The following UTRN variants were observed in gnomAD, a reference collection of about 807,000 sequenced individuals.
UTRN encodes the protein utrophin.
Under a neutral mutation model 463.9 loss-of-function variants are expected in UTRN, and 283 were observed. The ratio of observed to expected loss-of-function variants is 0.61; its 90% CI spans 0.55 to 0.67. UTRN has a LOEUF of 0.67. UTRN is among the 30% of genes least tolerant of loss of function. The pLI is 0.00. For missense variants in UTRN, 3,922 were observed against 4,084.3 expected, an observed-to-expected ratio of 0.96 and a Z score of 1.08; for synonymous variants, 1,442 against 1,431.5, an observed-to-expected ratio of 1.01 and a Z score of -0.17.
intron 51 of UTRN, among the ~76,000 whole-genome samples, chr6:144,602,600 G>A (rs1300295944): frequency 2.6e-5 from 4 of 152,208 alleles, no homozygotes; most frequent in African/African-American, 7.2e-5. Flanking sequence ...AATGAGTGAT[G>A]TCTGTCATAG....
At position 144,765,996 on chromosome 6, in the gene UTRN, G is replaced by A. The variant is rs189983400; in HGVS notation, c.8496-5911G>A. ...GCCTTTAAAAGCTTAGAGGACAGTA[G>A]ACAGTGTTTGCGAGTGGATGAGGAA... On this transcript the variant is annotated intron_variant, in intron 58 of 74. Transcript: ENST00000367545. 3.9e-3 allele frequency among the ~76,000 whole-genome samples: 588 copies of A among 151,626 alleles called. 4 individuals are homozygous for A. Among genetic ancestry groups the A allele is most frequent in the Non-Finnish European group, 4.4e-3 (298 of 68,010 alleles).
chr6:144,479,809 T>C lies in UTRN; in HGVS notation c.3337-3T>C. 3 of 1,611,676 alleles carry C rather than the reference T, an allele frequency of 1.9e-6. No homozygotes were observed. The highest frequency in any genetic ancestry group is 2.5e-6 in the Non-Finnish European group (3 of 1,178,960). ...ATTTGGGGGAATGGCTTTTCCTTTG[T>C]AGATCGCTACTCAAAAAAGTAGGTT... On this transcript the variant is annotated splice_region_variant and splice_polypyrimidine_tract_variant and intron_variant, in intron 25 of 74. Coordinates refer to ENST00000367545, the MANE Select transcript of UTRN (RefSeq NM_007124.3).
intron 66 of UTRN, among the ~76,000 whole-genome samples, chr6:144,826,256 CTT>C (rs1780174072): frequency 6.6e-6 from 1 of 151,818 alleles, no homozygotes; most frequent in Non-Finnish European, 1.5e-5. Flanking sequence ...GTTCAAAAGT[CTT>C]TGCTGTGCAG....
rs113220390 is a variant in UTRN at position 144,573,561 on chromosome 6, T to G, written c.7290-3538T>G. On this transcript the variant is annotated intron_variant, in intron 50 of 74. Coordinates refer to ENST00000367545, the MANE Select transcript of UTRN (RefSeq NM_007124.3). ...AAATACAAAAATTAGCCAGGTGTAG[T>G]GGCAGGCGCCAATAATCCCAACTAC... 8.0e-3 allele frequency among the ~76,000 whole-genome samples: 1,211 copies of G among 151,770 alleles called. 22 individuals are homozygous for G. Among genetic ancestry groups the G allele is most frequent in the African/African-American group, 0.027 (1,104 of 41,370 alleles).
Position 144,557,176 on chromosome 6 carries a change from G to C in UTRN, c.7154G>C (p.Gly2385Ala), listed in dbSNP as rs769338752. 2 of 1,613,838 alleles carry C rather than the reference G, an allele frequency of 1.2e-6. No homozygotes were observed. The highest frequency in any genetic ancestry group is 1.7e-6 in the Non-Finnish European group (2 of 1,179,808). Residue 2385 changes from glycine (G) to alanine (A), a missense_variant, in exon 50 of 75, where the codon GGT (glycine) becomes GCT (alanine). Physicochemically the swap from Gly to Ala is moderately conservative, Grantham distance 60 (BLOSUM62 0). Around this residue, in one of 3 missense-constraint regions of UTRN, gnomAD observed 1,309 missense variants for 1,452.6 expected, o/e 0.90. Coordinates refer to ENST00000367545, the MANE Select transcript of UTRN (RefSeq NM_007124.3). ...CCTCAGATACTGCTTCAAGAACTGG[G>C]TCCTGGAGATGGTATCGTCATGGCG... ...SDNQILLQEL[G>A]PGDGIVMAFD... is the part of the protein sequence containing the mutation.
intron 2 of UTRN, among the ~76,000 whole-genome samples, chr6:144,311,376 T>A (rs1010650160): frequency 2.0e-5 from 3 of 152,222 alleles, no homozygotes; most frequent in Non-Finnish European, 4.4e-5. Context: ...CAACCCAGGC[T>A]TCTGAGGGTC....
chr6:144,436,993 C>T (rs1480198642), intron 10 of UTRN, among the ~76,000 whole-genome samples: 1 of 149,322 alleles, frequency 6.7e-6, no homozygotes, highest in Admixed American at 6.7e-5. Flanking sequence ...TACTCTGTCA[C>T]CCAGGCTGGA....
At chr6:144,607,972 T>C (rs1269000334) in intron 51 of UTRN, among the ~76,000 whole-genome samples, 1 of 152,224 alleles carries the variant, frequency 6.6e-6, no homozygotes, top group Non-Finnish European at 1.5e-5. Flanking sequence ...TACTGCCTTC[T>C]AACACAAATC....
intron 31 of UTRN, 142 bp from the exon 32 acceptor site, chr6:144,490,787 G>A: frequency 1.1e-6 from 1 of 901,518 alleles, no homozygotes; most frequent in Non-Finnish European, 1.6e-6. Flanking sequence ...AGATTCATTA[G>A]GAGTTTTTTA....
intron 24 of UTRN, 50 bp from the exon 25 acceptor site, chr6:144,474,554 G>A (rs945609443): frequency 1.3e-6 from 2 of 1,533,082 alleles, no homozygotes; most frequent in Non-Finnish European, 1.8e-6. Flanking sequence ...TATAATTATG[G>A]CATCCACTTA....
intron 51 of UTRN, among the ~76,000 whole-genome samples, chr6:144,615,050 A>G (rs897784485): frequency 1.6e-4 from 25 of 152,176 alleles, no homozygotes; most frequent in African/African-American, 5.5e-4. Flanking sequence ...GTTGAGATAC[A>G]GAAAAGATGC....
At position 144,411,530 on chromosome 6, in the gene UTRN, G is replaced by T. The variant is rs74884876; in HGVS notation, c.141+8346G>T. Among the ~76,000 whole-genome samples, 1,836 of 152,148 alleles carry T rather than the reference G, an allele frequency of 0.012. 69 individuals carry two copies. The East Asian group carries it at 0.14, about 12-fold the overall frequency. On this transcript the variant is annotated intron_variant, in intron 3 of 74. Transcript: ENST00000367545. Reference sequence around the variant, plus strand: ...CCCACAGTGGTTTCTTATCATCCCAGATTTTATCATCACTATACCGGTAAC... The same window carrying T: ...CCCACAGTGGTTTCTTATCATCCCATATTTTATCATCACTATACCGGTAAC...
At chr6:144,587,693 C>G (rs1049007679) in intron 51 of UTRN, among the ~76,000 whole-genome samples, 10 of 152,068 alleles carry the variant, frequency 6.6e-5, no homozygotes, top group African/African-American at 2.4e-4. Context: ...GAACCCTGCT[C>G]TCCTTGGACA....
chr6:144,681,042 G>A (rs1028876705), intron 52 of UTRN, among the ~76,000 whole-genome samples: 1 of 152,182 alleles, frequency 6.6e-6, no homozygotes, highest in Non-Finnish European at 1.5e-5. Flanking sequence ...CACAGCTACG[G>A]AGGATGCCTC....
chr6:144,708,579 C>A, intron 53 of UTRN: 1 of 269,340 alleles, frequency 3.7e-6, no homozygotes, highest in Non-Finnish European at 7.1e-6. Context: ...AGATCCTCTG[C>A]TTATCCTTAA....
intron 61 of UTRN, among the ~76,000 whole-genome samples, chr6:144,787,469 A>C (rs1345156325): frequency 6.6e-6 from 1 of 152,170 alleles, no homozygotes; most frequent in African/African-American, 2.4e-5. Flanking sequence ...GGGTTCAGTA[A>C]GTTTATTAGA....
At chr6:144,707,569 T>C (rs1328841592) in intron 53 of UTRN, among the ~76,000 whole-genome samples, 1 of 152,178 alleles carries the variant, frequency 6.6e-6, no homozygotes, top group Non-Finnish European at 1.5e-5. Context: ...CTAGGACATA[T>C]AAAAGATATC....
intron 52 of UTRN, among the ~76,000 whole-genome samples, chr6:144,694,848 A>C (rs1586060289): frequency 2.6e-5 from 4 of 151,678 alleles, no homozygotes; most frequent in Admixed American, 2.6e-4. Flanking sequence ...CAGCTCCTGG[A>C]TAAGTTGATC....
chr6:144,674,887 T>TA (rs1192257802), intron 51 of UTRN, among the ~76,000 whole-genome samples: 2 of 152,244 alleles, frequency 1.3e-5, no homozygotes, highest in Non-Finnish European at 2.9e-5. Context: ...AGGTAGTTTT[T>TA]ACCTTTCTCT....
Sources: allele counts gnomAD v4.1 joint callset (sites outside exome capture counted in the v4.1 genomes callset), GRCh38; gene constraint gnomAD v4.1.1; regional missense constraint gnomAD v4.1.1; transcripts MANE v1.5; gene names NCBI Gene and HGNC (gene_info 2026-07-23, HGNC 2026-07-21).